MACROD2: variants seen among roughly 807,000 people sequenced by gnomAD.
MACROD2 encodes mono-ADP ribosylhydrolase 2.
MACROD2 carries 36 observed loss-of-function variants against 70.4 expected under a neutral mutation model. That is an observed-to-expected ratio of 0.51 (90% CI 0.39 to 0.68). The LOEUF (loss-of-function observed/expected upper bound fraction) is 0.68, where lower values mean the gene tolerates loss of function less well. MACROD2 is among the 30% of genes least tolerant of loss of function. MACROD2 has a pLI of 0.00. For missense variants in MACROD2, 496 were observed against 538.4 expected, an observed-to-expected ratio of 0.92 and a Z score of 0.78; for synonymous variants, 172 against 178.8, an observed-to-expected ratio of 0.96 and a Z score of 0.30.
intron 5 of MACROD2, among the ~76,000 whole-genome samples, chr20:15,046,016 T>C (rs1279985735): frequency 6.6e-6 from 1 of 152,062 alleles, no homozygotes; most frequent in Non-Finnish European, 1.5e-5. Flanking sequence ...CCTTCTCCTC[T>C]CTGTGGCGTC....
intron 8 of MACROD2, among the ~76,000 whole-genome samples, chr20:15,849,733 T>C (rs1296606955): frequency 6.6e-6 from 1 of 152,116 alleles, no homozygotes; most frequent in Non-Finnish European, 1.5e-5. Context: ...ATATTCTTAA[T>C]CAAATAAAAG....
chr20:15,901,396 G>C (rs1245573655), intron 10 of MACROD2, among the ~76,000 whole-genome samples: 1 of 152,154 alleles, frequency 6.6e-6, no homozygotes, highest in Non-Finnish European at 1.5e-5. Context: ...TTTGAATTTT[G>C]ATGTTCTCCT....
chr20:14,460,575 T>C (rs574336568), intron 3 of MACROD2, among the ~76,000 whole-genome samples: 9 of 152,262 alleles, frequency 5.9e-5, no homozygotes, highest in African/African-American at 2.2e-4. Context: ...ATAAATAACT[T>C]ATTATTTTGA....
intron 3 of MACROD2, among the ~76,000 whole-genome samples, chr20:14,295,301 A>G (rs1192343419): frequency 1.3e-5 from 2 of 151,898 alleles, no homozygotes; most frequent in Non-Finnish European, 2.9e-5. Context: ...AAAAACTAGA[A>G]AATCAAACAC....
intron 15 of MACROD2, among the ~76,000 whole-genome samples, chr20:16,038,964 ATAAC>A (rs1213947392): frequency 1.3e-5 from 2 of 151,910 alleles, no homozygotes; most frequent in African/African-American, 2.4e-5. Context: ...TCCCCAGGAT[ATAAC>A]CCTTCAGGGT....
At chr20:16,034,653 T>C (rs1368109181) in intron 15 of MACROD2, among the ~76,000 whole-genome samples, 1 of 151,940 alleles carries the variant, frequency 6.6e-6, no homozygotes, top group Non-Finnish European at 1.5e-5. Flanking sequence ...GTTTTAACAC[T>C]TTATTATTAT....
intron 7 of MACROD2, among the ~76,000 whole-genome samples, chr20:15,467,074 A>G (rs969595207): frequency 6.6e-6 from 1 of 152,128 alleles, no homozygotes; most frequent in African/African-American, 2.4e-5. Flanking sequence ...CACTCAGGAG[A>G]AAGTGTGTTG....
intron 12 of MACROD2, among the ~76,000 whole-genome samples, chr20:15,966,360 T>C (rs1414539725): frequency 6.6e-6 from 1 of 152,132 alleles, no homozygotes; most frequent in African/African-American, 2.4e-5. Flanking sequence ...TTGCTTTCCT[T>C]TCAGCAGCAT....
chr20:15,065,455 A>G (rs1437641000), intron 5 of MACROD2, among the ~76,000 whole-genome samples: 2 of 152,066 alleles, frequency 1.3e-5, no homozygotes, highest in Admixed American at 6.6e-5. Flanking sequence ...GGAGATCGAG[A>G]CCATCCTGAC....
intron 5 of MACROD2, among the ~76,000 whole-genome samples, chr20:14,995,657 A>T (rs976470337): frequency 1.3e-5 from 2 of 152,196 alleles, no homozygotes; most frequent in Non-Finnish European, 2.9e-5. Flanking sequence ...AGTGGAATTA[A>T]GCTAAATATT....
At chr20:14,938,067 C>G (rs1207768970) in intron 5 of MACROD2, among the ~76,000 whole-genome samples, 2 of 146,718 alleles carry the variant, frequency 1.4e-5, no homozygotes, top group Non-Finnish European at 3.0e-5. Flanking sequence ...CATACATATA[C>G]CATATTTTCT....
chr20:15,945,893 G>A (rs566534972), intron 12 of MACROD2, among the ~76,000 whole-genome samples: 66 of 152,258 alleles, frequency 4.3e-4, no homozygotes, highest in Middle Eastern at 6.8e-3. Context: ...TTCTTTGCCT[G>A]AGTGGGTAGG....
chr20:15,779,157 A>G (rs2051787015), intron 8 of MACROD2, among the ~76,000 whole-genome samples: 1 of 152,146 alleles, frequency 6.6e-6, no homozygotes, highest in Non-Finnish European at 1.5e-5. Context: ...ATTATTATTC[A>G]GAGAACACTT....
At chr20:14,832,235 G>A (rs921562026) in intron 5 of MACROD2, among the ~76,000 whole-genome samples, 3 of 151,624 alleles carry the variant, frequency 2.0e-5, no homozygotes, top group Admixed American at 6.6e-5. Context: ...TAGTTGAAAC[G>A]GGGTTTCACT....
At chr20:15,192,261 G>T (rs1332672314) in intron 5 of MACROD2, among the ~76,000 whole-genome samples, 1 of 151,876 alleles carries the variant, frequency 6.6e-6, no homozygotes, top group East Asian at 1.9e-4. Context: ...TCACCTTCTG[G>T]GTTGGCTTTC....
chr20:14,204,164 T>A (rs998286620), intron 3 of MACROD2, among the ~76,000 whole-genome samples: 1 of 152,164 alleles, frequency 6.6e-6, no homozygotes, highest in East Asian at 1.9e-4. Flanking sequence ...TCAATAGCAG[T>A]GGCCCTGGTG....
At chr20:15,530,853 T>C (rs1164309999) in intron 8 of MACROD2, among the ~76,000 whole-genome samples, 1 of 152,184 alleles carries the variant, frequency 6.6e-6, no homozygotes, top group African/African-American at 2.4e-5. Context: ...CAAGGTTGGC[T>C]ATCAGATGTA....
At chr20:15,838,298 G>T (rs2064135680) in intron 8 of MACROD2, among the ~76,000 whole-genome samples, 1 of 152,092 alleles carries the variant, frequency 6.6e-6, no homozygotes, top group African/African-American at 2.4e-5. Context: ...CACATTACCA[G>T]GGAAGAGAAG....
chr20:15,761,247 T>C (rs1232532572), intron 8 of MACROD2, among the ~76,000 whole-genome samples: 6 of 152,232 alleles, frequency 3.9e-5, no homozygotes, highest in Non-Finnish European at 8.8e-5. Context: ...GGTTTTACCA[T>C]GTTGGCCAGG....
Sources: gnomAD v4.1 joint callset for allele counts (sites outside exome capture counted in the v4.1 genomes callset) on GRCh38, gnomAD v4.1.1 for gene constraint, MANE v1.5 for transcripts, NCBI Gene and HGNC (gene_info 2026-07-23, HGNC 2026-07-21) for gene names.